SLIT2: variants seen among roughly 807,000 people sequenced by gnomAD.
SLIT2 encodes slit homolog 2 protein.
A neutral mutation model predicts 185.7 loss-of-function variants in SLIT2; 41 were observed. The observed-to-expected ratio is 0.22, with a 90% CI of 0.17 to 0.29. SLIT2 has a LOEUF of 0.29. SLIT2 is among the 10% of genes least tolerant of loss of function. The pLI, the probability that SLIT2 is intolerant of heterozygous loss-of-function variation, is 1.00. For missense variants in SLIT2, 1,571 were observed against 1,909.0 expected (o/e 0.82, Z 3.30); for synonymous variants, 693 against 680.2 (o/e 1.02, Z -0.29).
chr4:20,550,690 C>T (rs1723661476), intron 24 of SLIT2, 137 bp from the exon 25 acceptor site: 2 of 478,076 alleles, frequency 4.2e-6, no homozygotes, highest in Non-Finnish European at 7.3e-6. Context: ...TCCAGTTGTA[C>T]CAAAACTGTT....
chr4:20,471,498 C>T (rs1323815889), intron 5 of SLIT2, among the ~76,000 whole-genome samples: 1 of 151,940 alleles, frequency 6.6e-6, no homozygotes, highest in Non-Finnish European at 1.5e-5. Flanking sequence ...GTTGAAAAAC[C>T]CTGCATGATG....
In SLIT2 at chr4:20,312,063, T is replaced by G. The variant is rs10015723; in HGVS notation, c.395+43182T>G. 8.0e-3 allele frequency among the ~76,000 whole-genome samples: 1,222 copies of G among 152,332 alleles called. 13 individuals are homozygous for G. The highest frequency in any genetic ancestry group is 0.028 in the African/African-American group (1,183 of 41,572). On this transcript the variant is annotated intron_variant, in intron 4 of 36. Transcript: ENST00000504154. ...CTAAAGAATTTAGTCTTGTTTTTTATGACCATGATAGTTTATGTCTGCAAC... is the reference window on the plus strand; with the variant it reads ...CTAAAGAATTTAGTCTTGTTTTTTAGGACCATGATAGTTTATGTCTGCAAC...
chr4:20,386,183 A>G (rs1326751238), intron 4 of SLIT2, among the ~76,000 whole-genome samples: 2 of 152,160 alleles, frequency 1.3e-5, no homozygotes, highest in Admixed American at 6.6e-5. Context: ...TTTGCATGTA[A>G]TTGTATTAAG....
chr4:20,604,626 C>A (rs574083007), intron 33 of SLIT2, among the ~76,000 whole-genome samples: 1 of 152,230 alleles, frequency 6.6e-6, no homozygotes, highest in African/African-American at 2.4e-5. Context: ...GGATTACAGG[C>A]GTGAGCCACT....
intron 12 of SLIT2, among the ~76,000 whole-genome samples, chr4:20,520,213 C>T (rs1720721251): frequency 6.6e-6 from 1 of 152,030 alleles, no homozygotes. Context: ...AAATCAAAGA[C>T]CACTCTGATT....
At chr4:20,518,574 TATATATATATATA>T (rs1303566151) in intron 11 of SLIT2, among the ~76,000 whole-genome samples, 13 of 20,944 alleles carry the variant, frequency 6.2e-4, no homozygotes, top group Admixed American at 1.5e-3. Context: ...TATATATATA[TATATATATATATA>T]TTTTTTTTTT....
At chr4:20,300,048 T>C (rs1320936649) in intron 4 of SLIT2, among the ~76,000 whole-genome samples, 3 of 152,146 alleles carry the variant, frequency 2.0e-5, no homozygotes, top group Non-Finnish European at 4.4e-5. Flanking sequence ...AACATTTTAA[T>C]GCTCATAAAA....
At chr4:20,425,642 T>C (rs746177980) in intron 4 of SLIT2, among the ~76,000 whole-genome samples, 1 of 152,144 alleles carries the variant, frequency 6.6e-6, no homozygotes, top group Admixed American at 6.5e-5. Flanking sequence ...TGTCCATAAA[T>C]CCGTTTGTAA....
chr4:20,526,733 G>C (rs990857950), intron 15 of SLIT2, among the ~76,000 whole-genome samples: 1 of 152,118 alleles, frequency 6.6e-6, no homozygotes, highest in African/African-American at 2.4e-5. Context: ...TTCAATTTAT[G>C]ATAATTTAAT....
rs1030472493 is a variant in SLIT2 at position 20,488,733 on chromosome 4, A to G, written c.612-86A>G. 7.7e-6 allele frequency: 7 copies of G among 914,354 alleles called. No individual in the cohort carries two copies. In the East Asian group the frequency reaches 1.3e-4, roughly 16 times the overall value. 56.6% of individuals were successfully genotyped at this position (914,354 alleles called of 1,614,324 possible). ...TATTGGAATCTGCTTAGCTTTATCT[A>G]CTTCTATGTTAAGAAATACAGGTAT... On this transcript the variant is annotated intron_variant, in intron 7 of 36. Transcript: ENST00000504154.
Position 20,584,744 on chromosome 4 carries a change from G to A in SLIT2, c.3089-4900G>A, listed in dbSNP as rs149021818. Among the ~76,000 whole-genome samples the A allele has an allele frequency of 9.1e-3, 1,383 of 152,164 alleles. 18 individuals carry two copies. Among genetic ancestry groups the A allele is most frequent in the African/African-American group, 0.031 (1,295 of 41,504 alleles). On this transcript the variant is annotated intron_variant, in intron 29 of 36. Coordinates refer to ENST00000504154, the MANE Select transcript of SLIT2 (RefSeq NM_004787.4). Reference sequence around the variant, plus strand: ...GTCCTGTTGTGTCCCATATATAACCGACAGACAAAATCAGGAAGAGGTGAT... The same window carrying A: ...GTCCTGTTGTGTCCCATATATAACCAACAGACAAAATCAGGAAGAGGTGAT...
chr4:20,573,392 C>A, intron 29 of SLIT2: 1 of 674,332 alleles, frequency 1.5e-6, no homozygotes, highest in South Asian at 1.6e-5. Context: ...AACAATATGC[C>A]AAATCAGTCA....
At chr4:20,550,956 T>C (rs893806130) in intron 25 of SLIT2, 58 bp downstream of exon 25, 11 of 919,940 alleles carry the variant, frequency 1.2e-5, no homozygotes, top group Non-Finnish European at 1.9e-5. Flanking sequence ...ATGAGTGACT[T>C]GGAACATTCC....
rs1560252946 is a variant in SLIT2 at position 20,251,996 on chromosome 4, A to AGCGGC, written c.-1819_-1818insCGGCG. ...CCGCAGACTGTGGTTAAAAAAAAGA[A>AGCGGC]GGCGGCGGCGGCGGCGGCGGCGGAG... On this transcript the variant is annotated 5_prime_UTR_variant, in exon 1 of 37. Coordinates refer to ENST00000504154, the MANE Select transcript of SLIT2 (RefSeq NM_004787.4). Among the ~76,000 whole-genome samples the AGCGGC allele has an allele frequency of 1.3e-3, 201 of 151,108 alleles. 3 individuals are homozygous for AGCGGC. Among genetic ancestry groups the AGCGGC allele is most frequent in the Admixed American group, 0.011 (172 of 15,224 alleles).
rs1346551179 is a variant in SLIT2 at position 20,252,824 on chromosome 4, G to A, written c.-992G>A. ...CAGGACGCTGACACCTCCAACCTTGGCCTTTGCCTTTCCACTCCTTCCGGT... is the reference window on the plus strand; with the variant it reads ...CAGGACGCTGACACCTCCAACCTTGACCTTTGCCTTTCCACTCCTTCCGGT... On this transcript the variant is annotated 5_prime_UTR_variant, in exon 1 of 37. Coordinates refer to ENST00000504154, the MANE Select transcript of SLIT2 (RefSeq NM_004787.4). 6.6e-6 allele frequency among the ~76,000 whole-genome samples: 1 copy of A among 152,076 alleles called. No individual in the cohort carries two copies. Among genetic ancestry groups the A allele is most frequent in the East Asian group, 1.9e-4 (1 of 5,160 alleles).
chr4:20,544,842 A>C lies in SLIT2; in HGVS notation c.2277-1189A>C, dbSNP rs1028872647. On this transcript the variant is annotated intron_variant, in intron 21 of 36. Coordinates refer to ENST00000504154, the MANE Select transcript of SLIT2 (RefSeq NM_004787.4). ...CCTTCTGCTGTGTTTTCTGGAATAA[A>C]GGGAGAGTGCTGAACTATATAGGGT... 3.3e-5 allele frequency among the ~76,000 whole-genome samples: 5 copies of C among 152,174 alleles called. No homozygotes were observed. The South Asian group carries it at 8.3e-4, about 25-fold the overall frequency.
rs901512074 is a variant in SLIT2 at position 20,402,091 on chromosome 4, G to A, written c.396-65661G>A. 2.0e-5 allele frequency among the ~76,000 whole-genome samples: 3 copies of A among 151,884 alleles called. No individual in the cohort carries two copies. The South Asian group carries it at 6.2e-4, about 31-fold the overall frequency. ...ACCTCTAAGAGCAGTGGAAGAACAG[G>A]TATCCTAAAGGTAACTGAGCAGATA... On this transcript the variant is annotated intron_variant, in intron 4 of 36. Coordinates refer to ENST00000504154, the MANE Select transcript of SLIT2 (RefSeq NM_004787.4).
intron 4 of SLIT2, among the ~76,000 whole-genome samples, chr4:20,376,284 G>A (rs1724013912): frequency 6.6e-6 from 1 of 151,550 alleles, no homozygotes; most frequent in Non-Finnish European, 1.5e-5. Context: ...GAATGAAAAA[G>A]GCAAATGACA....
At chr4:20,441,052 G>C (rs368624715) in intron 4 of SLIT2, among the ~76,000 whole-genome samples, 1 of 142,928 alleles carries the variant, frequency 7.0e-6, no homozygotes, top group Non-Finnish European at 1.6e-5. Context: ...GAAAATGACC[G>C]AAGCCTCCAA....
Sources: allele counts gnomAD v4.1 joint callset (sites outside exome capture counted in the v4.1 genomes callset), GRCh38; gene constraint gnomAD v4.1.1; transcripts MANE v1.5; gene names NCBI Gene and HGNC (gene_info 2026-07-23, HGNC 2026-07-21).